Variants in HECW1 observed in about 807,000 individuals in gnomAD.
The protein encoded by HECW1 is HECT, C2 and WW domain containing E3 ubiquitin protein ligase 1.
A neutral mutation model predicts 182.3 loss-of-function variants in HECW1; 61 were observed. The observed-to-expected ratio is 0.33, with a 90% CI of 0.27 to 0.41. HECW1 has a LOEUF of 0.41. HECW1 is among the 10% of genes least tolerant of loss of function. The pLI, the probability that HECW1 is intolerant of heterozygous loss-of-function variation, is 1.00. For missense variants in HECW1, 1,739 were observed against 2,108.9 expected, an observed-to-expected ratio of 0.82 and a Z score of 3.44; for synonymous variants, 859 against 832.6, an observed-to-expected ratio of 1.03 and a Z score of -0.55.
chr7:43,360,754 C>G (rs1815766290), intron 5 of HECW1, 132 bp from the exon 6 acceptor site: 1 of 702,336 alleles, frequency 1.4e-6, no homozygotes, highest in East Asian at 2.7e-5. Context: ...TGAGGAGCAT[C>G]ATTGTCGAGT....
chr7:43,311,298 G>A (rs570604956), intron 3 of HECW1, among the ~76,000 whole-genome samples: 27 of 152,282 alleles, frequency 1.8e-4, no homozygotes, highest in Admixed American at 1.4e-3. Flanking sequence ...TCCTAATTCT[G>A]GGCTGTGTGT....
chr7:43,463,725 G>T lies in HECW1; in HGVS notation c.2717G>T (p.Cys906Phe), dbSNP rs1414776601. 2 of 1,614,062 alleles carry T rather than the reference G, an allele frequency of 1.2e-6. No individual in the cohort carries two copies. The highest frequency in any genetic ancestry group is 1.7e-5 in the Admixed American group (1 of 60,012). Residue 906 changes from cysteine to phenylalanine, a missense_variant, in exon 14 of 30, where the codon TGC becomes TTC. Physicochemically the swap from Cys to Phe is radical, Grantham distance 205. This residue lies in a region of HECW1 where 971 missense variants were observed against 1,029.1 expected (regional missense o/e 0.94). Transcript: ENST00000395891. ...RSEEDSGSQS[C>F]EQAPAGGGGG... The stretch of plus-strand genomic sequence containing the variant: ...GAAGAAGATTCTGGCAGCCAAAGCT[G>T]CGAGCAAGCCCCAGCAGGAGGAGGC...
chr7:43,478,179 G>A (rs79612891), intron 16 of HECW1, among the ~76,000 whole-genome samples: 2 of 152,204 alleles, frequency 1.3e-5, no homozygotes, highest in East Asian at 3.8e-4. Context: ...CACTTTGGGA[G>A]GGCGAGGTGG....
intron 24 of HECW1, among the ~76,000 whole-genome samples, chr7:43,512,989 C>T (rs1424527979): frequency 6.6e-6 from 1 of 152,028 alleles, no homozygotes; most frequent in African/African-American, 2.4e-5. Flanking sequence ...TTCTGAGTTC[C>T]CTCTAAAAAA....
chr7:43,494,017 G>A (rs2079027642), intron 19 of HECW1, among the ~76,000 whole-genome samples: 1 of 152,118 alleles, frequency 6.6e-6, no homozygotes, highest in Non-Finnish European at 1.5e-5. Context: ...TGCCCATGTG[G>A]TGCAGTCTTG....
intron 2 of HECW1, among the ~76,000 whole-genome samples, chr7:43,207,381 A>G (rs1307523189): frequency 1.3e-5 from 2 of 152,220 alleles, no homozygotes. Context: ...ATAATATTGT[A>G]CATTCGTGGT....
At chr7:43,384,394 A>G (rs1209594143) in intron 6 of HECW1, among the ~76,000 whole-genome samples, 1 of 152,216 alleles carries the variant, frequency 6.6e-6, no homozygotes, top group Non-Finnish European at 1.5e-5. Context: ...GGAATGTGGC[A>G]GCTGCTGCAG....
chr7:43,283,542 G>A (rs1354842434), intron 3 of HECW1, among the ~76,000 whole-genome samples: 1 of 151,842 alleles, frequency 6.6e-6, no homozygotes, highest in African/African-American at 2.4e-5. Context: ...TGCATGTTTT[G>A]CCTTAATTTC....
rs1249099851 is a variant in HECW1, at chr7:43,432,629, G to A, written c.802-5374G>A. Among the ~76,000 whole-genome samples the A allele has an allele frequency of 6.6e-6, 1 of 152,136 alleles. No homozygotes were observed. The highest frequency in any genetic ancestry group is 1.5e-5 in the Non-Finnish European group (1 of 68,028). Reference sequence around the variant, plus strand: ...CCCCAGCACTCCAGCACAGAAGGGTGGTAGCTGTGTCCCAGCACCCAGCTC... The same window carrying A: ...CCCCAGCACTCCAGCACAGAAGGGTAGTAGCTGTGTCCCAGCACCCAGCTC... On this transcript the variant is annotated intron_variant, in intron 8 of 29. Coordinates refer to ENST00000395891, the MANE Select transcript of HECW1 (RefSeq NM_015052.5). The surrounding 1 kb of genome is among the most constrained non-coding windows in gnomAD (Gnocchi z 4.1).
intron 5 of HECW1, among the ~76,000 whole-genome samples, chr7:43,359,893 A>C (rs1244992207): frequency 6.6e-6 from 1 of 152,198 alleles, no homozygotes; most frequent in African/African-American, 2.4e-5. Context: ...TAAACAGTGA[A>C]TTGGGGAAAG....
At chr7:43,302,168 A>G (rs1806895515) in intron 3 of HECW1, among the ~76,000 whole-genome samples, 1 of 152,158 alleles carries the variant, frequency 6.6e-6, no homozygotes, top group Non-Finnish European at 1.5e-5. Flanking sequence ...CCATGAATGG[A>G]GGAGGGAAAC....
intron 5 of HECW1, among the ~76,000 whole-genome samples, chr7:43,329,013 A>G (rs2057810): frequency 0.55 from 83,325 of 151,922 alleles, 24,017 homozygotes; most frequent in African/African-American, 0.69. Context: ...CCTGCATGCC[A>G]AGGTTCTGGC....
chr7:43,240,337 CAAAT>C (rs1279728153), intron 2 of HECW1, among the ~76,000 whole-genome samples: 1 of 152,102 alleles, frequency 6.6e-6, no homozygotes, highest in Non-Finnish European at 1.5e-5. Flanking sequence ...GACTCCGTCT[CAAAT>C]AAAGTAATAA....
rs1815087674 is a variant in HECW1, at chr7:43,356,035, G to A, written c.461-4851G>A. On this transcript the variant is annotated intron_variant, in intron 5 of 29. Transcript: ENST00000395891. ...AAAACAGAAAACAAGCAACAAAATG[G>A]CAGTAATCAGTCCTTACTTATCAAT... Among the ~76,000 whole-genome samples the A allele has an allele frequency of 2.0e-5, 3 of 151,716 alleles. No homozygotes were observed. The South Asian group carries it at 6.3e-4, about 32-fold the overall frequency.
At chr7:43,366,625 G>C (rs369864147) in intron 6 of HECW1, among the ~76,000 whole-genome samples, 188 of 152,230 alleles carry the variant, frequency 1.2e-3, no homozygotes, top group African/African-American at 4.4e-3. Flanking sequence ...TATAATAAAT[G>C]GTCTTGAGCC....
chr7:43,527,954 C>T (rs956739354), intron 24 of HECW1, among the ~76,000 whole-genome samples: 4 of 152,190 alleles, frequency 2.6e-5, no homozygotes, highest in African/African-American at 7.2e-5. Flanking sequence ...ATGACTGAGG[C>T]TCAGACAACG....
chr7:43,184,540 A>T (rs1023096855), intron 2 of HECW1, among the ~76,000 whole-genome samples: 3 of 152,178 alleles, frequency 2.0e-5, no homozygotes, highest in Non-Finnish European at 4.4e-5. Context: ...TGGTGGCTGG[A>T]CGTCCCTAGA....
At chr7:43,213,954 A>G (rs1397432774) in intron 2 of HECW1, among the ~76,000 whole-genome samples, 2 of 152,082 alleles carry the variant, frequency 1.3e-5, no homozygotes, top group Admixed American at 1.3e-4. Flanking sequence ...TTTTTTCAGG[A>G]AATTAAACAT....
At chr7:43,120,390 C>A (rs1389033190) in intron 2 of HECW1, among the ~76,000 whole-genome samples, 1 of 152,142 alleles carries the variant, frequency 6.6e-6, no homozygotes. Context: ...TACCACTTAG[C>A]ACCACGCAAT....
Sources: gnomAD v4.1 joint callset for allele counts (sites outside exome capture counted in the v4.1 genomes callset) on GRCh38, gnomAD v4.1.1 for gene constraint, gnomAD v4.1.1 regional missense constraint, Gnocchi (gnomAD v3.1) non-coding constraint, MANE v1.5 for transcripts, NCBI Gene and HGNC (gene_info 2026-07-23, HGNC 2026-07-21) for gene names.